The following CRTAC1 variants were observed in gnomAD, a reference collection of about 807,000 sequenced individuals.
CRTAC1 encodes acidic secreted protein in cartilage.
A neutral mutation model predicts 67.8 loss-of-function variants in CRTAC1; 37 were observed. The ratio of observed to expected loss-of-function variants is 0.55; its 90% confidence interval spans 0.42 to 0.72. The LOEUF (loss-of-function observed/expected upper bound fraction) is 0.72, where lower values mean the gene tolerates loss of function less well. Among genes scored for constraint, CRTAC1 ranks in the 30% least tolerant of loss-of-function variants. CRTAC1 has a pLI of 0.00. For missense variants in CRTAC1, 780 were observed against 931.6 expected (o/e 0.84, Z 2.12); for synonymous variants, 348 against 371.0 (o/e 0.94, Z 0.71).
At chr10:97,901,175 G>A (rs1225698254) in intron 8 of CRTAC1, among the ~76,000 whole-genome samples, 4 of 152,178 alleles carry the variant, frequency 2.6e-5, no homozygotes, top group African/African-American at 9.6e-5. Flanking sequence ...GGTAGTGATT[G>A]GACCCTGTAG....
At chr10:97,867,356 C>T (rs907163031) in intron 14 of CRTAC1, 3 of 152,232 alleles carry the variant, frequency 2.0e-5, no homozygotes, top group East Asian at 1.9e-4. Context: ...GGCTGCCTAT[C>T]TCAGTTGGCG....
intron 2 of CRTAC1, among the ~76,000 whole-genome samples, chr10:97,968,370 G>A (rs2051652977): frequency 1.3e-5 from 2 of 152,194 alleles, no homozygotes; most frequent in Non-Finnish European, 2.9e-5. Context: ...AGCCACCCAA[G>A]TAGCTGGGAT....
chr10:98,025,964 G>A (rs147467253), intron 1 of CRTAC1, among the ~76,000 whole-genome samples: 59 of 152,350 alleles, frequency 3.9e-4, no homozygotes, highest in South Asian at 1.2e-3. Flanking sequence ...AGGGAGCCCT[G>A]CCAAGAAGGC....
At position 97,906,954 on chromosome 10, in the gene CRTAC1, C is replaced by T. The variant is rs544990658; in HGVS notation, c.850+1059G>A. Among the ~76,000 whole-genome samples the T allele has an allele frequency of 9.8e-5, 15 of 152,344 alleles. No homozygotes were observed. The South Asian group carries it at 3.1e-3, about 32-fold the overall frequency. ...GATCTCTGTGTCTAGATCCCACTCA[C>T]CACTCCTGCAGGCCAGAGCTCTTCC... is the stretch of plus-strand genomic sequence containing the variant. On this transcript the variant is annotated intron_variant, in intron 6 of 14. Transcript: ENST00000370597.
chr10:97,983,074 C>G (rs1409362069), intron 2 of CRTAC1, among the ~76,000 whole-genome samples: 1 of 152,166 alleles, frequency 6.6e-6, no homozygotes, highest in African/African-American at 2.4e-5. Flanking sequence ...AGGAGAATGG[C>G]AAAACAATAT....
intron 5 of CRTAC1, among the ~76,000 whole-genome samples, chr10:97,912,936 C>G (rs2050708369): frequency 6.6e-6 from 1 of 152,228 alleles, no homozygotes; most frequent in Non-Finnish European, 1.5e-5. Context: ...GCCCTGCACC[C>G]TCTGCATCAG....
chr10:97,888,957 A>T lies in CRTAC1; in HGVS notation c.1487-4606T>A, dbSNP rs150903237. On this transcript the variant is annotated intron_variant, in intron 11 of 14. Transcript: ENST00000370597. ...AATACAGTTGGTAGAATATTTTTGC[A>T]CTTTAATAAAGCAATTTTTATGTGG... 7.9e-3 allele frequency among the ~76,000 whole-genome samples: 1,208 copies of T among 152,198 alleles called. 15 individuals carry two copies. The highest frequency in any genetic ancestry group is 0.026 in the African/African-American group (1,076 of 41,518).
At chr10:97,922,022 C>G (rs1463998544) in intron 4 of CRTAC1, among the ~76,000 whole-genome samples, 1 of 152,094 alleles carries the variant, frequency 6.6e-6, no homozygotes, top group African/African-American at 2.4e-5. Context: ...CCTCTCCCCC[C>G]AGTTCTCTGA....
At position 98,002,017 on chromosome 10, in the gene CRTAC1, G is replaced by A. The variant is rs150941633; in HGVS notation, c.224+9121C>T. The stretch of plus-strand genomic sequence containing the variant: ...CAGGGCAAGAATGAGGAAGGCCCGT[G>A]GTGCAAGGCCAGGGAGGGTCAGCCT... On this transcript the variant is annotated intron_variant, in intron 2 of 14. Transcript: ENST00000370597. Among the ~76,000 whole-genome samples, 13 of 152,346 alleles carry A rather than the reference G, an allele frequency of 8.5e-5. No homozygotes were observed. In the East Asian group the frequency reaches 1.4e-3, roughly 16 times the overall value.
At chr10:98,022,802 G>A (rs151227973) in intron 1 of CRTAC1, among the ~76,000 whole-genome samples, 16 of 152,232 alleles carry the variant, frequency 1.1e-4, no homozygotes, top group African/African-American at 3.6e-4. Context: ...TTAGACTTCA[G>A]GCAGCAGTGT....
At chr10:97,992,912 A>G (rs1344168847) in intron 2 of CRTAC1, among the ~76,000 whole-genome samples, 1 of 152,244 alleles carries the variant, frequency 6.6e-6, no homozygotes, top group Non-Finnish European at 1.5e-5. Context: ...TATTCTCCAA[A>G]ATCACTAAGA....
intron 14 of CRTAC1, among the ~76,000 whole-genome samples, chr10:97,874,545 C>T (rs1023464896): frequency 1.3e-5 from 2 of 152,286 alleles, no homozygotes; most frequent in East Asian, 1.9e-4. Context: ...TCTCTCCCAC[C>T]ACAGGTGTCC....
chr10:97,989,187 T>G (rs1188784435), intron 2 of CRTAC1, among the ~76,000 whole-genome samples: 1 of 152,164 alleles, frequency 6.6e-6, no homozygotes, highest in Admixed American at 6.5e-5. Flanking sequence ...ACCTTTTGCT[T>G]GCAGACGGCA....
rs545162376 is a variant in CRTAC1, at chr10:97,876,571, C to T, written c.1819+3678G>A. Among the ~76,000 whole-genome samples the T allele has an allele frequency of 2.6e-5, 4 of 152,248 alleles. No individual in the cohort carries two copies. In the South Asian group the frequency reaches 8.3e-4, roughly 32 times the overall value. ...GGCTGCCTGGTGCAGGCAGGTGGGG[C>T]ACCAGCTCCTCCATTTGCATAATCC... On this transcript the variant is annotated intron_variant, in intron 14 of 14. Transcript: ENST00000370597.
At chr10:97,881,034 G>A (rs558189595) in intron 13 of CRTAC1, among the ~76,000 whole-genome samples, 3 of 152,198 alleles carry the variant, frequency 2.0e-5, no homozygotes, top group African/African-American at 2.4e-5. Flanking sequence ...TCCTGCCATC[G>A]TGACCTCTTG....
chr10:97,999,475 C>G (rs949729839), intron 2 of CRTAC1, among the ~76,000 whole-genome samples: 1 of 152,268 alleles, frequency 6.6e-6, no homozygotes, highest in Non-Finnish European at 1.5e-5. Flanking sequence ...GCCTCTTCCC[C>G]CTCTGGACTT....
rs190873359 is a variant in CRTAC1 at position 97,938,889 on chromosome 10, G to A, written c.225-2523C>T. ...CAAAAGGCAGCCCTGGGGGCCCTCT[G>A]CTCCATTCAACTAGAACATCTCTAT... On this transcript the variant is annotated intron_variant, in intron 2 of 14. Transcript: ENST00000370597. Among the ~76,000 whole-genome samples the A allele has an allele frequency of 1.2e-3, 185 of 152,316 alleles. 1 individual carries two copies. The highest frequency in any genetic ancestry group is 4.1e-3 in the African/African-American group (171 of 41,562).
intron 2 of CRTAC1, among the ~76,000 whole-genome samples, chr10:97,959,289 G>C (rs1368266464): frequency 6.6e-6 from 1 of 152,194 alleles, no homozygotes; most frequent in Non-Finnish European, 1.5e-5. Flanking sequence ...AAGGGAAAAG[G>C]CATGTGGGGT....
intron 2 of CRTAC1, among the ~76,000 whole-genome samples, chr10:97,952,149 A>G (rs546155006): frequency 2.0e-5 from 3 of 152,010 alleles, no homozygotes; most frequent in African/African-American, 2.4e-5. Flanking sequence ...TCAGGAGATC[A>G]AGACCAGCCT....
Sources: allele counts gnomAD v4.1 joint callset (sites outside exome capture counted in the v4.1 genomes callset), GRCh38; gene constraint gnomAD v4.1.1; transcripts MANE v1.5; gene names NCBI Gene and HGNC (gene_info 2026-07-23, HGNC 2026-07-21).